The following VPS13B variants were observed in gnomAD, a reference collection of about 807,000 sequenced individuals.
The protein encoded by VPS13B is vacuolar protein sorting 13 homolog B.
VPS13B carries 285 observed loss-of-function variants against 426.4 expected under a neutral mutation model. The ratio of observed to expected loss-of-function variants is 0.67; its 90% confidence interval spans 0.61 to 0.74. The LOEUF is 0.74. Among genes scored for constraint, VPS13B ranks in the 30% least tolerant of loss-of-function variants. The pLI is 0.00. For synonymous variants in VPS13B, 1,676 were observed against 1,676.4 expected (o/e 1.00, Z 0.01); for missense variants, 4,537 against 4,782.6 (o/e 0.95, Z 1.51).
chr8:99,089,181 G>T (rs935480225), intron 3 of VPS13B, among the ~76,000 whole-genome samples: 2 of 152,166 alleles, frequency 1.3e-5, no homozygotes, highest in Non-Finnish European at 2.9e-5. Flanking sequence ...TCTATAAAAT[G>T]AGGATATTCT....
chr8:99,630,561 C>T (rs1019558610), intron 33 of VPS13B, among the ~76,000 whole-genome samples: 27 of 152,024 alleles, frequency 1.8e-4, no homozygotes, highest in Admixed American at 1.4e-3. Flanking sequence ...GCAAATGATT[C>T]CCTTCATTTG....
chr8:99,023,983 G>GT (rs1457689909), intron 2 of VPS13B, among the ~76,000 whole-genome samples: 1 of 152,128 alleles, frequency 6.6e-6, no homozygotes, highest in Non-Finnish European at 1.5e-5. Context: ...CTTTTGTGGT[G>GT]TTTTTTATAA....
intron 51 of VPS13B, among the ~76,000 whole-genome samples, chr8:99,829,761 G>A (rs1185779469): frequency 3.9e-5 from 6 of 152,172 alleles, no homozygotes; most frequent in African/African-American, 4.8e-5. Flanking sequence ...TGATGCTGGT[G>A]ACCTTCAGAT....
chr8:99,818,671 C>G, intron 46 of VPS13B, 42 bp from the exon 47 acceptor site: 1 of 1,611,626 alleles, frequency 6.2e-7, no homozygotes, highest in Non-Finnish European at 8.5e-7. Context: ...AATACTGCAA[C>G]AAAGCAAATA....
chr8:99,276,203 G>A (rs1005292625), intron 19 of VPS13B, among the ~76,000 whole-genome samples: 5 of 152,130 alleles, frequency 3.3e-5, no homozygotes, highest in African/African-American at 1.2e-4. Flanking sequence ...CAAAACATTT[G>A]AAAGATGAGT....
intron 4 of VPS13B, 56 bp downstream of exon 4, chr8:99,096,488 G>C: frequency 6.2e-7 from 1 of 1,606,536 alleles, no homozygotes; most frequent in Non-Finnish European, 8.5e-7. Flanking sequence ...GGGCATGGTG[G>C]CTCATGCCTG....
intron 17 of VPS13B, among the ~76,000 whole-genome samples, chr8:99,195,369 C>A (rs1022616500): frequency 2.0e-5 from 3 of 152,124 alleles, no homozygotes; most frequent in Non-Finnish European, 2.9e-5. Context: ...AACCCGTTGG[C>A]CATTTGTCAT....
At chr8:99,558,998 A>ATG (rs1428356558) in intron 31 of VPS13B, among the ~76,000 whole-genome samples, 1 of 152,210 alleles carries the variant, frequency 6.6e-6, no homozygotes, top group Non-Finnish European at 1.5e-5. Flanking sequence ...GTCTTCCACA[A>ATG]TGGTTGAACT....
intron 36 of VPS13B, among the ~76,000 whole-genome samples, chr8:99,712,011 G>T (rs1832726011): frequency 6.6e-6 from 1 of 152,178 alleles, no homozygotes; most frequent in Non-Finnish European, 1.5e-5. Flanking sequence ...AGAAATTATG[G>T]TTTAAGCCAT....
intron 19 of VPS13B, among the ~76,000 whole-genome samples, chr8:99,362,659 G>A (rs545569792): frequency 2.6e-5 from 4 of 152,120 alleles, no homozygotes; most frequent in Non-Finnish European, 5.9e-5. Flanking sequence ...GGGCATTTAG[G>A]TTTTAAATGC....
chr8:99,124,117 G>A (rs967238226), intron 8 of VPS13B, among the ~76,000 whole-genome samples: 2 of 152,288 alleles, frequency 1.3e-5, no homozygotes, highest in East Asian at 1.9e-4. Flanking sequence ...CTGAGAATAA[G>A]TGATCAATAT....
At chr8:99,484,688 T>C in intron 25 of VPS13B, among the ~76,000 whole-genome samples, 1 of 152,118 alleles carries the variant, frequency 6.6e-6, no homozygotes, top group Non-Finnish European at 1.5e-5. Context: ...AATCTTAATC[T>C]ACCTGTAAAT....
chr8:99,098,482 G>A (rs893528847), intron 4 of VPS13B, among the ~76,000 whole-genome samples: 1 of 152,002 alleles, frequency 6.6e-6, no homozygotes, highest in African/African-American at 2.4e-5. Flanking sequence ...ATACAATCCT[G>A]TTGTATAACT....
chr8:99,860,756 A>C lies in VPS13B; in HGVS notation c.11045-1020A>C, dbSNP rs964415573. Among the ~76,000 whole-genome samples, 21 of 152,008 alleles carry C rather than the reference A, an allele frequency of 1.4e-4. 1 individual carries two copies. ...CCATGAAAGTCGCTCAGTTTCGCTCACTAAGATGTGTGCAGACCTGCTAGA... is the reference window on the plus strand; with the variant it reads ...CCATGAAAGTCGCTCAGTTTCGCTCCCTAAGATGTGTGCAGACCTGCTAGA... On this transcript the variant is annotated intron_variant, in intron 57 of 61. Transcript: ENST00000357162.
At chr8:99,863,337 G>T (rs997074345) in intron 58 of VPS13B, among the ~76,000 whole-genome samples, 1 of 152,126 alleles carries the variant, frequency 6.6e-6, no homozygotes, top group South Asian at 2.1e-4. Context: ...GGATTAAGTG[G>T]CTGTAACCAG....
chr8:99,875,226 C>CAGTT lies in VPS13B; in HGVS notation c.11746-190_11746-187dup, dbSNP rs999518302. 2.7e-4 allele frequency: 206 copies of CAGTT among 771,520 alleles called. 1 individual carries two copies. Among genetic ancestry groups the CAGTT allele is most frequent in the Middle Eastern group, 2.3e-3 (6 of 2,576 alleles). The allele number at this position is 771,520 out of a possible 1,614,324, so 47.8% of individuals were successfully genotyped here. A position where few individuals can be genotyped will look rare whatever the true frequency, so the allele number is the denominator to read the frequency against. The stretch of plus-strand genomic sequence containing the variant: ...TGTCCTAAGTCTCATGCACAACTTT[C>CAGTT]AGTTATACTGCTAAAACTGCATTGT... On this transcript the variant is annotated intron_variant, in intron 61 of 61. Coordinates refer to ENST00000357162, the MANE Select transcript of VPS13B (RefSeq NM_152564.5).
intron 43 of VPS13B, among the ~76,000 whole-genome samples, chr8:99,785,208 A>G (rs1248570769): frequency 6.6e-6 from 1 of 152,088 alleles, no homozygotes; most frequent in African/African-American, 2.4e-5. Flanking sequence ...AGTGAGCAAA[A>G]GAAATCCTAG....
chr8:99,514,731 T>A (rs1007454659), intron 29 of VPS13B, among the ~76,000 whole-genome samples: 1 of 152,354 alleles, frequency 6.6e-6, no homozygotes, highest in South Asian at 2.1e-4. Flanking sequence ...ATGTGAGTAA[T>A]GCTGCTATGA....
chr8:99,035,190 G>A (rs1842688829), intron 2 of VPS13B, among the ~76,000 whole-genome samples: 1 of 152,106 alleles, frequency 6.6e-6, no homozygotes, highest in Admixed American at 6.5e-5. Context: ...TTCTTAAAGA[G>A]AAATGACCAT....
Sources: allele counts gnomAD v4.1 joint callset (sites outside exome capture counted in the v4.1 genomes callset), GRCh38; gene constraint gnomAD v4.1.1; transcripts MANE v1.5; gene names NCBI Gene and HGNC (gene_info 2026-07-23, HGNC 2026-07-21).